Variants in PCMTD1 observed in about 807,000 individuals in gnomAD.
The protein encoded by PCMTD1 is protein-L-isoaspartate O-methyltransferase domain-containing protein 1.
A neutral mutation model predicts 37.6 loss-of-function variants in PCMTD1; 12 were observed. The observed-to-expected ratio is 0.32, with a 90% CI of 0.20 to 0.52. The LOEUF is 0.52. PCMTD1 is among the 20% of genes least tolerant of loss of function. The pLI is 0.97. For synonymous variants in PCMTD1, 117 were observed against 135.8 expected (o/e 0.86, Z 0.96); for missense variants, 235 against 421.3 (o/e 0.56, Z 3.87).
intron 1 of PCMTD1, among the ~76,000 whole-genome samples, chr8:51,864,457 T>C (rs1373828421): frequency 1.3e-5 from 2 of 152,178 alleles, no homozygotes; most frequent in Non-Finnish European, 2.9e-5. Flanking sequence ...CCCCAGGATA[T>C]ATTATATGTT....
intron 1 of PCMTD1, among the ~76,000 whole-genome samples, chr8:51,897,790 T>C (rs1010418638): frequency 1.3e-5 from 2 of 152,190 alleles, no homozygotes; most frequent in African/African-American, 2.4e-5. Flanking sequence ...GTAGATTGGA[T>C]TCTCTAATAC....
At chr8:51,898,793 G>T in intron 1 of PCMTD1, 137 bp downstream of exon 1, 2 of 846,662 alleles carry the variant, frequency 2.4e-6, no homozygotes, top group Non-Finnish European at 3.1e-6. Context: ...CCGCCCTTAA[G>T]TCCCCCTGCC....
intron 1 of PCMTD1, among the ~76,000 whole-genome samples, chr8:51,889,935 T>C (rs555857635): frequency 4.0e-5 from 6 of 151,350 alleles, no homozygotes; most frequent in Non-Finnish European, 8.8e-5. Context: ...ATTAATTTTA[T>C]TGTGCTGCCT....
chr8:51,881,906 A>G (rs539740653), intron 1 of PCMTD1, among the ~76,000 whole-genome samples: 1 of 152,152 alleles, frequency 6.6e-6, no homozygotes, highest in Non-Finnish European at 1.5e-5. Flanking sequence ...AGTTCCCTTA[A>G]CCACAATAAA....
At chr8:51,866,861 A>G (rs2038562621) in intron 1 of PCMTD1, among the ~76,000 whole-genome samples, 1 of 152,042 alleles carries the variant, frequency 6.6e-6, no homozygotes, top group Admixed American at 6.6e-5. Flanking sequence ...GATAACATAT[A>G]TTGAAAAAAC....
At chr8:51,834,855 G>C (rs79196243) in intron 3 of PCMTD1, among the ~76,000 whole-genome samples, 17,914 of 152,106 alleles carry the variant, frequency 0.12, 1,298 homozygotes, top group East Asian at 0.17. Context: ...TGTTGGAAGG[G>C]TATAAAAGGT....
intron 5 of PCMTD1, chr8:51,827,360 G>T (rs1371792618): frequency 2.2e-6 from 2 of 911,186 alleles, no homozygotes; most frequent in Non-Finnish European, 3.1e-6. Flanking sequence ...GTCAACCAAG[G>T]TCTGAAAATA....
intron 3 of PCMTD1, among the ~76,000 whole-genome samples, chr8:51,842,274 T>A (rs1180344018): frequency 5.3e-5 from 8 of 152,168 alleles, no homozygotes; most frequent in East Asian, 1.9e-4. Context: ...TACTTTTTTT[T>A]AAAGAAAGAA....
At chr8:51,861,395 T>G (rs577788810) in intron 1 of PCMTD1, 149 bp from the exon 2 acceptor site, 1 of 536,482 alleles carries the variant, frequency 1.9e-6, no homozygotes, top group East Asian at 3.6e-5. Context: ...CTTAACTATA[T>G]TATTTTATTT....
chr8:51,836,597 C>T (rs1448456992), intron 3 of PCMTD1, among the ~76,000 whole-genome samples: 2 of 151,980 alleles, frequency 1.3e-5, no homozygotes, highest in African/African-American at 4.8e-5. Flanking sequence ...AAAAAAGAAA[C>T]ATAAATGTTT....
Position 51,820,854 on chromosome 8 carries a change from A to C in PCMTD1, c.707-136T>G, listed in dbSNP as rs570463707. The C allele has an allele frequency of 2.9e-4, 308 of 1,056,756 alleles. 1 individual carries two copies. The African/African-American group carries it at 4.4e-3, about 15-fold the overall frequency. 65.5% of individuals were successfully genotyped at this position (1,056,756 alleles called of 1,614,324 possible). ...AGAAAATATGAAAACTCTACCTTTC[A>C]TCTAACAAAGGTTTTGGAGTAGTCA... On this transcript the variant is annotated intron_variant, in intron 5 of 5. Transcript: ENST00000522514.
At chr8:51,876,571 C>G (rs1172699857) in intron 1 of PCMTD1, among the ~76,000 whole-genome samples, 2 of 152,130 alleles carry the variant, frequency 1.3e-5, no homozygotes, top group African/African-American at 4.8e-5. Context: ...ACTAGGGTTC[C>G]TTGGTAAAAT....
At chr8:51,820,967 A>T (rs1185419519) in intron 5 of PCMTD1, among the ~76,000 whole-genome samples, 1 of 152,212 alleles carries the variant, frequency 6.6e-6, no homozygotes. Flanking sequence ...TACATGCATA[A>T]AAGTTCTCTG....
chr8:51,827,816 A>T (rs905000692), intron 5 of PCMTD1, among the ~76,000 whole-genome samples: 1 of 151,028 alleles, frequency 6.6e-6, no homozygotes, highest in Admixed American at 6.6e-5. Context: ...GATTTTTTTT[A>T]ATTTAGGCTC....
intron 3 of PCMTD1, among the ~76,000 whole-genome samples, chr8:51,838,022 G>A (rs572817567): frequency 3.4e-4 from 51 of 152,194 alleles, no homozygotes; most frequent in Middle Eastern, 6.8e-3. Flanking sequence ...CCTGAACTCC[G>A]GCAATCTACC....
chr8:51,845,956 A>G (rs1369331654), intron 2 of PCMTD1, among the ~76,000 whole-genome samples, 193 bp from the exon 3 acceptor site: 1 of 152,136 alleles, frequency 6.6e-6, no homozygotes, highest in Admixed American at 6.6e-5. Flanking sequence ...AAAGGGGAAA[A>G]AAAAAAGTTC....
chr8:51,898,713 T>C (rs1181289534), intron 1 of PCMTD1, among the ~76,000 whole-genome samples: 1 of 149,816 alleles, frequency 6.7e-6, no homozygotes, highest in Non-Finnish European at 1.5e-5. Flanking sequence ...ACCTCCCAAG[T>C]CCTCCGCCCC....
At chr8:51,852,578 G>A (rs149678519) in intron 2 of PCMTD1, among the ~76,000 whole-genome samples, 44 of 152,128 alleles carry the variant, frequency 2.9e-4, no homozygotes, top group Admixed American at 8.5e-4. Context: ...CCTATAAAGC[G>A]GTATGTATTT....
At chr8:51,863,006 T>G (rs1259512075) in intron 1 of PCMTD1, among the ~76,000 whole-genome samples, 1 of 149,690 alleles carries the variant, frequency 6.7e-6, no homozygotes, top group Admixed American at 6.8e-5. Flanking sequence ...ACTTGCTGAG[T>G]CCAATTGTAG....
Sources: gnomAD v4.1 joint callset for allele counts (sites outside exome capture counted in the v4.1 genomes callset) on GRCh38, gnomAD v4.1.1 for gene constraint, MANE v1.5 for transcripts, NCBI Gene and HGNC (gene_info 2026-07-23, HGNC 2026-07-21) for gene names.